GPR158: variants seen among roughly 807,000 people sequenced by gnomAD.
The protein encoded by GPR158 is G protein-coupled receptor 158, also known as metabotropic glycine receptor.
GPR158 carries 30 observed loss-of-function variants against 78.2 expected under a neutral mutation model. The observed-to-expected ratio is 0.38, with a 90% CI of 0.29 to 0.52. The LOEUF is 0.52. Among genes scored for constraint, GPR158 ranks in the 20% least tolerant of loss-of-function variants. The pLI is 0.83. For missense variants in GPR158, 1,463 were observed against 1,523.5 expected, an observed-to-expected ratio of 0.96 and a Z score of 0.66; for synonymous variants, 581 against 591.1, an observed-to-expected ratio of 0.98 and a Z score of 0.25.
At chr10:25,300,391 T>C (rs1854575515) in intron 2 of GPR158, among the ~76,000 whole-genome samples, 1 of 152,048 alleles carries the variant, frequency 6.6e-6, no homozygotes, top group Admixed American at 6.5e-5. Context: ...CAAGAACACT[T>C]GTGATTATAT....
chr10:25,190,484 C>G (rs1852759277), intron 1 of GPR158, among the ~76,000 whole-genome samples: 1 of 152,076 alleles, frequency 6.6e-6, no homozygotes, highest in Admixed American at 6.5e-5. Context: ...AGGTGTGCAC[C>G]ACCATGCCCG....
At chr10:25,334,573 C>G (rs4626978) in intron 2 of GPR158, among the ~76,000 whole-genome samples, 155 of 151,948 alleles carry the variant, frequency 1.0e-3, no homozygotes, top group Non-Finnish European at 2.0e-3. Context: ...GCAAGCAGAG[C>G]TAGAATGTAC....
At chr10:25,392,412 G>A (rs1193787846) in intron 2 of GPR158, among the ~76,000 whole-genome samples, 1 of 152,238 alleles carries the variant, frequency 6.6e-6, no homozygotes, top group African/African-American at 2.4e-5. Flanking sequence ...CAGGCTGAGT[G>A]GGCATAATGT....
At chr10:25,304,000 G>A (rs1854633392) in intron 2 of GPR158, among the ~76,000 whole-genome samples, 2 of 152,156 alleles carry the variant, frequency 1.3e-5, no homozygotes, top group Admixed American at 1.3e-4. Flanking sequence ...TGTGTGTGGT[G>A]CCTATATATG....
chr10:25,241,372 CTCTCTTCTCT>C (rs368885244), intron 2 of GPR158, among the ~76,000 whole-genome samples: 1,815 of 102,932 alleles, frequency 0.018, 36 homozygotes, highest in South Asian at 0.024. Context: ...CTTTTCTTTT[CTCTCTTCTCT>C]TCTCTTCTCT....
At chr10:25,298,519 T>G (rs1854548121) in intron 2 of GPR158, among the ~76,000 whole-genome samples, 1 of 152,204 alleles carries the variant, frequency 6.6e-6, no homozygotes, top group Admixed American at 6.5e-5. Flanking sequence ...TTTGATTCTC[T>G]TTAAGGGTGG....
intron 2 of GPR158, among the ~76,000 whole-genome samples, chr10:25,278,244 T>C (rs1854213805): frequency 6.6e-6 from 1 of 152,118 alleles, no homozygotes; most frequent in African/African-American, 2.4e-5. Context: ...TTGTCAAATA[T>C]GCCATGCAGA....
At chr10:25,480,528 T>A (rs1358668963) in intron 5 of GPR158, among the ~76,000 whole-genome samples, 5 of 141,408 alleles carry the variant, frequency 3.5e-5, no homozygotes, top group Non-Finnish European at 7.8e-5. Context: ...ACATCTGTTA[T>A]ACTTTGTTTC....
At chr10:25,265,867 C>T (rs563462029) in intron 2 of GPR158, among the ~76,000 whole-genome samples, 2 of 152,264 alleles carry the variant, frequency 1.3e-5, no homozygotes, top group East Asian at 3.9e-4. Flanking sequence ...ATCCAGTCTC[C>T]ATATGGATGC....
chr10:25,221,917 G>C (rs1033947000), intron 2 of GPR158, among the ~76,000 whole-genome samples: 1 of 152,160 alleles, frequency 6.6e-6, no homozygotes, highest in Non-Finnish European at 1.5e-5. Context: ...AGGAAAGTCA[G>C]CTTGCTTTAT....
chr10:25,307,408 A>G (rs1472169213), intron 2 of GPR158, among the ~76,000 whole-genome samples: 8 of 134,652 alleles, frequency 5.9e-5, no homozygotes, highest in African/African-American at 1.1e-4. Flanking sequence ...TTTTAAGACA[A>G]GGTCTTACTC....
intron 2 of GPR158, among the ~76,000 whole-genome samples, chr10:25,335,268 C>G (rs1230161334): frequency 6.6e-6 from 1 of 151,960 alleles, no homozygotes; most frequent in Non-Finnish European, 1.5e-5. Flanking sequence ...TGTCAGATGC[C>G]AAAGATGCAA....
chr10:25,359,103 A>G (rs973590275), intron 2 of GPR158, among the ~76,000 whole-genome samples: 1 of 151,686 alleles, frequency 6.6e-6, no homozygotes, highest in Non-Finnish European at 1.5e-5. Flanking sequence ...TTTCTCTGCA[A>G]TTTTGTCATT....
intron 2 of GPR158, among the ~76,000 whole-genome samples, chr10:25,246,975 C>T (rs1853700745): frequency 6.6e-6 from 1 of 152,178 alleles, no homozygotes; most frequent in Non-Finnish European, 1.5e-5. Flanking sequence ...TTTCTGAAAT[C>T]ATTCCATTGG....
chr10:25,236,307 C>T (rs1486394392), intron 2 of GPR158, among the ~76,000 whole-genome samples: 2 of 151,992 alleles, frequency 1.3e-5, no homozygotes, highest in Non-Finnish European at 2.9e-5. Flanking sequence ...AGATCAAAAC[C>T]CTCCTGGCTA....
At chr10:25,574,021 A>C (rs574375858) in intron 7 of GPR158, among the ~76,000 whole-genome samples, 1 of 152,140 alleles carries the variant, frequency 6.6e-6, no homozygotes, top group African/African-American at 2.4e-5. Flanking sequence ...TAAATTGTAT[A>C]GATAAAAAAT....
At chr10:25,337,794 AC>A (rs1310509545) in intron 2 of GPR158, among the ~76,000 whole-genome samples, 1 of 152,022 alleles carries the variant, frequency 6.6e-6, no homozygotes, top group Non-Finnish European at 1.5e-5. Flanking sequence ...ACACTTGCCA[AC>A]CATGATATTG....
At chr10:25,379,023 T>C (rs1479205477) in intron 2 of GPR158, among the ~76,000 whole-genome samples, 3 of 152,120 alleles carry the variant, frequency 2.0e-5, no homozygotes, top group African/African-American at 7.2e-5. Context: ...AGTCCAGAGC[T>C]CAAGTGATCC....
At chr10:25,397,025 T>TAC (rs1352927810) in intron 3 of GPR158, among the ~76,000 whole-genome samples, 1 of 152,164 alleles carries the variant, frequency 6.6e-6, no homozygotes, top group African/African-American at 2.4e-5. Flanking sequence ...TTTTCAAGGC[T>TAC]ACCAGGAGAA....
Sources: gnomAD v4.1 joint callset for allele counts (sites outside exome capture counted in the v4.1 genomes callset) on GRCh38, gnomAD v4.1.1 for gene constraint, MANE v1.5 for transcripts, NCBI Gene and HGNC (gene_info 2026-07-23, HGNC 2026-07-21) for gene names.